PIGO: variants seen among roughly 807,000 people sequenced by gnomAD.
PIGO encodes GPI ethanolamine phosphate transferase 3, catalytic subunit.
In PIGO, 66 loss-of-function variants were observed where a neutral mutation model predicts 86.9. The observed-to-expected ratio is 0.76, with a 90% CI of 0.62 to 0.93. PIGO has a LOEUF of 0.93. Among genes scored for constraint, PIGO ranks in the 40% least tolerant of loss-of-function variants. The pLI, the probability that PIGO is intolerant of heterozygous loss-of-function variation, is 0.00. For missense variants in PIGO, 1,202 were observed against 1,359.1 expected, an observed-to-expected ratio of 0.88 and a Z score of 1.82; for synonymous variants, 570 against 556.4, an observed-to-expected ratio of 1.02 and a Z score of -0.34.
In PIGO at chr9:35,089,129, G is replaced by A. The variant is rs1179043464; in HGVS notation, c.3233C>T (p.Ser1078Phe). ...GGCCAGAAATAGCTGCCTGAACCAGGAGCTCACAGCACCATCCACTCTCAT... is the reference window on the plus strand; with the variant it reads ...GGCCAGAAATAGCTGCCTGAACCAGAAGCTCACAGCACCATCCACTCTCAT... Reference protein sequence around the residue: ...LVMRVDGAVSSWFRQLFLAQQ... With the variant: ...LVMRVDGAVSFWFRQLFLAQQ... Residue 1078 changes from serine (S) to phenylalanine (F), a missense_variant, in exon 11 of 11, where the codon TCC (serine) becomes TTC (phenylalanine). Transcript: ENST00000378617. 6.2e-7 allele frequency: 1 copy of A among 1,614,116 alleles called. No homozygotes were observed.
At chr9:35,094,123 C>T (rs1274377502) in intron 3 of PIGO, 93 bp downstream of exon 3, 2 of 1,562,290 alleles carry the variant, frequency 1.3e-6, no homozygotes, top group East Asian at 2.2e-5. Flanking sequence ...CAAGCCCAGG[C>T]TGTTACACCC....
At chr9:35,089,558 C>A in intron 9 of PIGO, 108 bp from the exon 10 acceptor site, 1 of 1,548,248 alleles carries the variant, frequency 6.5e-7, no homozygotes, top group Non-Finnish European at 8.7e-7. Flanking sequence ...GAGAATAGTG[C>A]ATGTCAGTGG....
Position 35,093,218 on chromosome 9 carries a change from A to G in PIGO, c.940-9T>C, listed in dbSNP as rs1056263001. On this transcript the variant is annotated splice_polypyrimidine_tract_variant and intron_variant, in intron 5 of 10. Transcript: ENST00000378617. ...GGAATCACCTCTGGCTCCTAAAGGA[A>G]AATGACAGTGGTCAACAGATTCATC... 1.9e-6 allele frequency: 3 copies of G among 1,604,640 alleles called. No homozygotes were observed. The African/African-American group carries it at 4.0e-5, about 21-fold the overall frequency.
rs1223075175 is a variant in PIGO at position 35,093,430 on chromosome 9, G to T, written c.930C>A (p.Thr310=). ...ACATCCCAGGCCTCACCTCTGGTGGGGTGCTGGGGAAGACTGCTGTGGGGC... is the reference window on the plus strand; with the variant it reads ...ACATCCCAGGCCTCACCTCTGGTGGTGTGCTGGGGAAGACTGCTGTGGGGC... ...LYSPTAVFPS[T]PPEEPEVIPQ... Residue 310 remains threonine, a synonymous_variant, in exon 5 of 11, where the codon ACC becomes ACA. Transcript: ENST00000378617. The T allele has an allele frequency of 6.2e-7, 1 of 1,614,126 alleles. No individual in the cohort carries two copies. The highest frequency in any genetic ancestry group is 2.2e-5 in the East Asian group (1 of 44,880).
intron 8 of PIGO, 23 bp from the exon 9 acceptor site, chr9:35,090,303 T>A (rs762997982): frequency 6.2e-7 from 1 of 1,606,522 alleles, no homozygotes; most frequent in Non-Finnish European, 8.5e-7. Context: ...AGGGTATGGC[T>A]GGAATCAACA....
rs1587155827 is a variant in PIGO at position 35,089,421 on chromosome 9, G to C, written c.3099C>G (p.Ile1033Met). Residue 1033 changes from isoleucine (I) to methionine (M), a missense_variant, in exon 10 of 11, where the codon ATC becomes ATG. Ile to Met is a conservative substitution (Grantham distance 10). Transcript: ENST00000378617. ...QILACALAASILRRHLMVWKV... is the reference protein window; with the variant it reads ...QILACALAASMLRRHLMVWKV... ...TCCAGACCATGAGATGCCTGCGAAG[G>C]ATGGAGGCTGCCAAGGCACAGGCCA... 6.2e-7 allele frequency: 1 copy of C among 1,614,220 alleles called. No individual in the cohort carries two copies. The highest frequency in any genetic ancestry group is 1.1e-5 in the South Asian group (1 of 91,084).
chr9:35,091,953 G>C lies in PIGO; in HGVS notation c.1934C>G (p.Thr645Arg), dbSNP rs756583358. 1 of 1,614,218 alleles carries C rather than the reference G, an allele frequency of 6.2e-7. No homozygotes were observed. Among genetic ancestry groups the C allele is most frequent in the Non-Finnish European group, 8.5e-7 (1 of 1,180,042 alleles). ...CCAGGGAGAGGAGTGGCAAACAGGTGTCTCTTCAGGGCAACGATGAAAAAG... is the reference window on the plus strand; with the variant it reads ...CCAGGGAGAGGAGTGGCAAACAGGTCTCTCTTCAGGGCAACGATGAAAAAG... ...AGLFHRCPEE[T>R]PVCHSSPWLS... The change falls in exon 7 of 11, where the codon ACA (threonine) becomes AGA (arginine). Residue 645 changes from threonine to arginine, a missense_variant. By Grantham distance (71) the Thr-to-Arg change is moderately conservative. Transcript: ENST00000378617.
At position 35,091,711 on chromosome 9, in the gene PIGO, C is replaced by T. The variant is rs1306054354; in HGVS notation, c.2176G>A (p.Asp726Asn). The change falls in exon 7 of 11, where the codon GAT becomes AAT. Residue 726 changes from aspartate to asparagine, a missense_variant. Physicochemically the swap from Asp to Asn is conservative, Grantham distance 23. Coordinates refer to ENST00000378617, the MANE Select transcript of PIGO (RefSeq NM_032634.4). ...AAYWALASGA[D>N]EAPPRLRVLV... ...ACCCGGAGACGGGGGGGAGCCTCATCTGCCCCCGACGCCAATGCCCAGTAG... is the reference window on the plus strand; with the variant it reads ...ACCCGGAGACGGGGGGGAGCCTCATTTGCCCCCGACGCCAATGCCCAGTAG... 6.2e-7 allele frequency: 1 copy of T among 1,612,234 alleles called. No homozygotes were observed. The highest frequency in any genetic ancestry group is 1.6e-4 in the Middle Eastern group (1 of 6,062).
chr9:35,095,713 TACTC>T, intron 1 of PIGO, 147 bp from the exon 2 acceptor site: 1 of 1,054,320 alleles, frequency 9.5e-7, no homozygotes, highest in Non-Finnish European at 1.3e-6. Context: ...CTCGCAATAT[TACTC>T]TCCTCCTATT....
rs769184445 is a variant in PIGO, at chr9:35,095,235, G to A, written c.331C>T (p.Leu111=). The stretch of plus-strand genomic sequence containing the variant: ...CGGGCATGGTGGGGCTGAATCTCCA[G>A]GATCCTCTGCAAGGAGCTTAGTTTG... ...LGKLSSLQRI[L]EIQPHHARLY... Residue 111 remains leucine, a synonymous_variant, in exon 2 of 11, where the codon CTG becomes TTG. Coordinates refer to ENST00000378617, the MANE Select transcript of PIGO (RefSeq NM_032634.4). 5 of 1,614,154 alleles carry A rather than the reference G, an allele frequency of 3.1e-6. No homozygotes were observed. The South Asian group carries it at 3.3e-5, about 11-fold the overall frequency.
intron 1 of PIGO, chr9:35,095,954 A>C: frequency 5.2e-6 from 1 of 190,684 alleles, no homozygotes; most frequent in Admixed American, 5.3e-5. Context: ...CAGTGAGCCG[A>C]GATTGAACCA....
At position 35,090,240 on chromosome 9, in the gene PIGO, C is replaced by T. The variant is rs1349977782; in HGVS notation, c.2895G>A (p.Glu965=). 1.9e-6 allele frequency: 3 copies of T among 1,614,072 alleles called. No individual in the cohort carries two copies. The highest frequency in any genetic ancestry group is 3.3e-5 in the Admixed American group (2 of 60,012). The stretch of plus-strand genomic sequence containing the variant: ...GCTGTCTCTTCCGCAGCCCTTGACT[C>T]TCACACAGGAAAGGCCAGAGCAGGA... ...PLLLLWPFLC[E]SQGLRKRQQP... The change falls in exon 9 of 11, where the codon GAG becomes GAA. Residue 965 remains glutamate, a synonymous_variant. Coordinates refer to ENST00000378617, the MANE Select transcript of PIGO (RefSeq NM_032634.4).
Position 35,091,577 on chromosome 9 carries a change from C to T in PIGO, c.2310G>A (p.Gly770=). The stretch of plus-strand genomic sequence containing the variant: ...CAGTCCTGGTCCTTGGAGCGCCTGC[C>T]CCAGCCTTCACCAGCACTGTCACAG... ...WKPVTVLVKA[G]AGAPRTRTVL... The change falls in exon 7 of 11, where the codon GGG becomes GGA. Residue 770 remains glycine (G), a synonymous_variant. Transcript: ENST00000378617. 1 of 1,614,046 alleles carries T rather than the reference C, an allele frequency of 6.2e-7. No homozygotes were observed. The highest frequency in any genetic ancestry group is 1.7e-5 in the Admixed American group (1 of 60,034).
chr9:35,089,420 G>A lies in PIGO; in HGVS notation c.3100C>T (p.Leu1034Phe), dbSNP rs751265523. The change falls in exon 10 of 11, where the codon CTT (leucine) becomes TTT (phenylalanine). Residue 1034 changes from leucine to phenylalanine, a missense_variant. By Grantham distance (22) the Leu-to-Phe change is conservative. Transcript: ENST00000378617. Reference sequence around the variant, plus strand: ...TTCCAGACCATGAGATGCCTGCGAAGGATGGAGGCTGCCAAGGCACAGGCC... The same window carrying A: ...TTCCAGACCATGAGATGCCTGCGAAAGATGGAGGCTGCCAAGGCACAGGCC... ...ILACALAASI[L>F]RRHLMVWKVF... 3 of 1,614,226 alleles carry A rather than the reference G, an allele frequency of 1.9e-6. No homozygotes were observed. The South Asian group carries it at 3.3e-5, about 18-fold the overall frequency.
chr9:35,094,860 G>A (rs1302211971), intron 2 of PIGO, among the ~76,000 whole-genome samples, 195 bp downstream of exon 2: 1 of 151,634 alleles, frequency 6.6e-6, no homozygotes, highest in East Asian at 1.9e-4. Context: ...TACCAGCAGG[G>A]CCCTGGCCTC....
chr9:35,092,938 T>C (rs1365468742), intron 6 of PIGO, 92 bp downstream of exon 6: 3 of 1,458,388 alleles, frequency 2.1e-6, no homozygotes, highest in Non-Finnish European at 2.8e-6. Flanking sequence ...AAGGTGGGAC[T>C]AAGACTAGTC....
Position 35,092,462 on chromosome 9 carries a change from T to A in PIGO, c.1425A>T (p.Pro475=). ...GGAGTAGAGGGCAGAATGGAAAGCC[T>A]GGGGATATTGCCCACTGAGATGCCA... ...CLLASQWAIS[P]GFPFCPLLLT... The change falls in exon 7 of 11, where the codon CCA becomes CCT. Residue 475 remains proline (P), a synonymous_variant. Transcript: ENST00000378617. The A allele has an allele frequency of 6.2e-7, 1 of 1,614,148 alleles. No homozygotes were observed. The highest frequency in any genetic ancestry group is 8.5e-7 in the Non-Finnish European group (1 of 1,180,006).
rs1359775373 is a variant in PIGO, at chr9:35,093,185, T to C, written c.964A>G (p.Ser322Gly). Residue 322 changes from serine (S) to glycine (G), a missense_variant, in exon 6 of 11, where the codon AGC becomes GGC. Transcript: ENST00000378617. Reference sequence around the variant, plus strand: ...AGCAGGGCCAGCGTGGGCACAAGGCTAACTTGAGGAATCACCTCTGGCTCC... The same window carrying C: ...AGCAGGGCCAGCGTGGGCACAAGGCCAACTTGAGGAATCACCTCTGGCTCC... ...PEEPEVIPQV[S>G]LVPTLALLLG... is the part of the protein sequence containing the mutation. 1 of 1,613,326 alleles carries C rather than the reference T, an allele frequency of 6.2e-7. No individual in the cohort carries two copies.
chr9:35,093,977 C>G lies in PIGO; in HGVS notation c.703G>C (p.Asp235His). 1 of 1,614,182 alleles carries G rather than the reference C, an allele frequency of 6.2e-7. No homozygotes were observed. ...GGGCCATGCTTGTGGCCACAGTGGT[C>G]CACACCCAGGAAGTGAGCAATCAGC... Reference protein sequence around the residue: ...DVLIAHFLGVDHCGHKHGPHH... With the variant: ...DVLIAHFLGVHHCGHKHGPHH... Residue 235 changes from aspartate (D) to histidine (H), a missense_variant, in exon 4 of 11, where the codon GAC becomes CAC. By Grantham distance (81) the Asp-to-His change is moderately conservative. Coordinates refer to ENST00000378617, the MANE Select transcript of PIGO (RefSeq NM_032634.4).
Sources: allele counts gnomAD v4.1 joint callset (sites outside exome capture counted in the v4.1 genomes callset), GRCh38; gene constraint gnomAD v4.1.1; transcripts MANE v1.5; gene names NCBI Gene and HGNC (gene_info 2026-07-23, HGNC 2026-07-21).